MRRF: variants seen among roughly 807,000 people sequenced by gnomAD.
MRRF encodes the protein ribosome-recycling factor, mitochondrial.
In MRRF, 18 loss-of-function variants were observed where a neutral mutation model predicts 25.1. That is an observed-to-expected ratio of 0.72 (90% CI 0.50 to 1.06). The LOEUF (loss-of-function observed/expected upper bound fraction) is 1.06. Among genes scored for constraint, MRRF ranks in the 50% least tolerant of loss-of-function variants. MRRF has a pLI of 0.00. For missense variants in MRRF, 323 were observed against 319.3 expected, an observed-to-expected ratio of 1.01 and a Z score of -0.09; for synonymous variants, 113 against 112.1, an observed-to-expected ratio of 1.01 and a Z score of -0.05.
intron 4 of MRRF, among the ~76,000 whole-genome samples, chr9:122,286,668 A>G (rs1237271752): frequency 6.6e-6 from 1 of 152,200 alleles, no homozygotes; most frequent in Non-Finnish European, 1.5e-5. Context: ...AGCTATGATC[A>G]TGCCACTGCA....
intron 5 of MRRF, among the ~76,000 whole-genome samples, chr9:122,304,309 T>G (rs1834690386): frequency 1.3e-5 from 2 of 152,210 alleles, no homozygotes. Flanking sequence ...TTTCCAGGCC[T>G]GGGTAAGCCT....
intron 4 of MRRF, among the ~76,000 whole-genome samples, chr9:122,288,152 T>C (rs1424126043): frequency 1.3e-5 from 2 of 152,104 alleles, no homozygotes; most frequent in African/African-American, 4.8e-5. Context: ...CTGCCTTCCA[T>C]AAACTTGCCT....
intron 5 of MRRF, among the ~76,000 whole-genome samples, chr9:122,306,680 G>C (rs143211235): frequency 6.6e-6 from 1 of 152,102 alleles, no homozygotes; most frequent in Admixed American, 6.6e-5. Context: ...GTGCTTTTTC[G>C]CATGTATGAT....
At chr9:122,319,341 G>A (rs1349400191) in intron 6 of MRRF, among the ~76,000 whole-genome samples, 2 of 151,746 alleles carry the variant, frequency 1.3e-5, no homozygotes, top group Non-Finnish European at 2.9e-5. Flanking sequence ...TAGTAGAGAC[G>A]GGGTTTCTCC....
intron 5 of MRRF, among the ~76,000 whole-genome samples, chr9:122,300,309 C>T (rs1834369804): frequency 6.6e-6 from 1 of 152,174 alleles, no homozygotes; most frequent in African/African-American, 2.4e-5. Context: ...CATCTGTACC[C>T]CTCACAGCAG....
At chr9:122,293,549 T>C (rs1833902851) in intron 5 of MRRF, among the ~76,000 whole-genome samples, 1 of 152,224 alleles carries the variant, frequency 6.6e-6, no homozygotes, top group Admixed American at 6.5e-5. Context: ...CATTGTGTTC[T>C]CAGTACTCTG....
In MRRF at chr9:122,280,535, A is replaced by T. The variant is rs755809659; in HGVS notation, c.277A>T (p.Lys93Ter). Residue 93 changes from lysine (K) to a stop codon, truncating the protein, a stop_gained, in exon 3 of 7, where the codon AAG becomes TAG. Transcript: ENST00000344641. LOFTEE classifies it high-confidence loss of function. ...INLEEVNEEMKSVIEALKDNF... is the reference protein window; with the variant it reads ...INLEEVNEEM Reference sequence around the variant, plus strand: ...CTTGGAAGAGGTGAATGAAGAAATGAAGTCTGTGATAGAAGCTCTCAAGGA... The same window carrying T: ...CTTGGAAGAGGTGAATGAAGAAATGTAGTCTGTGATAGAAGCTCTCAAGGA... 14 of 1,613,860 alleles carry T rather than the reference A, an allele frequency of 8.7e-6. No individual in the cohort carries two copies. In the East Asian group the frequency reaches 3.1e-4, roughly 36 times the overall value.
At chr9:122,276,051 G>A (rs1312123895) in intron 2 of MRRF, among the ~76,000 whole-genome samples, 1 of 151,840 alleles carries the variant, frequency 6.6e-6, no homozygotes, top group Admixed American at 6.6e-5. Flanking sequence ...GGGACTATAG[G>A]CACTTGCCAC....
At chr9:122,270,347 A>G (rs940059261) in intron 1 of MRRF, among the ~76,000 whole-genome samples, 4 of 152,216 alleles carry the variant, frequency 2.6e-5, no homozygotes, top group Admixed American at 2.0e-4. Context: ...CTTTAGACTC[A>G]CATTAAAGGG....
Position 122,322,838 on chromosome 9 carries a change from C to G in MRRF, c.*221C>G. On this transcript the variant is annotated 3_prime_UTR_variant, in exon 7 of 7. Transcript: ENST00000344641. ...GTGGGTGGCTCTCAGAAAATACTTG[C>G]TGCTGGCAAAAGGCCTGTACTCAGG... 1.6e-6 allele frequency: 1 copy of G among 617,138 alleles called. No homozygotes were observed. Among genetic ancestry groups the G allele is most frequent in the South Asian group, 1.9e-5 (1 of 53,954 alleles). 38.2% of individuals were successfully genotyped at this position (617,138 alleles called of 1,614,324 possible). A position where few individuals can be genotyped will look rare whatever the true frequency, so the allele number is the denominator to read the frequency against.
chr9:122,317,258 A>G (rs180711505), intron 6 of MRRF, among the ~76,000 whole-genome samples: 17 of 152,076 alleles, frequency 1.1e-4, no homozygotes, highest in Non-Finnish European at 2.2e-4. Context: ...TGAACCTAGA[A>G]TTTTTTATCT....
intron 5 of MRRF, among the ~76,000 whole-genome samples, chr9:122,304,444 G>A (rs1187464430): frequency 6.6e-5 from 10 of 152,196 alleles, no homozygotes; most frequent in Non-Finnish European, 1.2e-4. Context: ...TCCCAGCGTA[G>A]ATGTACCAAT....
chr9:122,288,285 T>C (rs1291308832), intron 4 of MRRF, among the ~76,000 whole-genome samples: 2 of 152,214 alleles, frequency 1.3e-5, no homozygotes, highest in Admixed American at 1.3e-4. Flanking sequence ...CAGGCACCAT[T>C]ATTGCTCTTG....
chr9:122,269,728 A>G (rs1832333559), intron 1 of MRRF, among the ~76,000 whole-genome samples: 1 of 152,168 alleles, frequency 6.6e-6, no homozygotes, highest in South Asian at 2.1e-4. Flanking sequence ...TCAGTCTCAA[A>G]AGATAATAAA....
At chr9:122,291,506 G>A (rs1428094465) in intron 4 of MRRF, among the ~76,000 whole-genome samples, 3 of 152,140 alleles carry the variant, frequency 2.0e-5, no homozygotes, top group Non-Finnish European at 4.4e-5. Context: ...AGGCAGAGCT[G>A]TTTTCTTTTT....
At chr9:122,314,319 T>C (rs1835380455) in intron 6 of MRRF, among the ~76,000 whole-genome samples, 1 of 152,204 alleles carries the variant, frequency 6.6e-6, no homozygotes, top group Non-Finnish European at 1.5e-5. Flanking sequence ...CTTTTCATGG[T>C]AACAGCAGAT....
intron 4 of MRRF, chr9:122,286,040 A>G (rs1011001635): frequency 3.2e-5 from 42 of 1,296,628 alleles, no homozygotes; most frequent in Non-Finnish European, 3.9e-5. Context: ...GTCCACTAGG[A>G]ATTGGCCTGG....
At chr9:122,306,257 G>A (rs184770925) in intron 5 of MRRF, among the ~76,000 whole-genome samples, 34 of 152,294 alleles carry the variant, frequency 2.2e-4, no homozygotes, top group Admixed American at 1.9e-3. Flanking sequence ...GAAAAATCCT[G>A]TATGGCCTCC....
intron 2 of MRRF, among the ~76,000 whole-genome samples, chr9:122,279,334 C>T (rs1267097400): frequency 6.6e-6 from 1 of 152,188 alleles, no homozygotes; most frequent in Admixed American, 6.5e-5. Flanking sequence ...TCATCTGTAC[C>T]ATGGGGACAA....
Sources: allele counts gnomAD v4.1 joint callset (sites outside exome capture counted in the v4.1 genomes callset), GRCh38; gene constraint gnomAD v4.1.1; transcripts MANE v1.5; gene names NCBI Gene and HGNC (gene_info 2026-07-23, HGNC 2026-07-21).